Variants in ANO1 observed in about 807,000 individuals in gnomAD.
ANO1 encodes anoctamin 1.
ANO1 carries 59 observed loss-of-function variants against 124.0 expected under a neutral mutation model. That is an observed-to-expected ratio of 0.48 (90% CI 0.39 to 0.59). The LOEUF is 0.59. Ranked by LOEUF, ANO1 falls within the 20% of genes least tolerant of loss-of-function variation. ANO1 has a pLI of 0.00. For synonymous variants in ANO1, 529 were observed against 532.0 expected, an observed-to-expected ratio of 0.99 and a Z score of 0.08; for missense variants, 1,059 against 1,328.0, an observed-to-expected ratio of 0.80 and a Z score of 3.15.
At chr11:70,089,453 T>C (rs2044533634) in intron 2 of ANO1, among the ~76,000 whole-genome samples, 1 of 152,186 alleles carries the variant, frequency 6.6e-6, no homozygotes. Flanking sequence ...TTGAAATCAA[T>C]GGAACGTGCT....
chr11:69,988,172 G>T (rs1479163948), intron 1 of ANO1, among the ~76,000 whole-genome samples: 1 of 152,206 alleles, frequency 6.6e-6, no homozygotes, highest in Non-Finnish European at 1.5e-5. Flanking sequence ...GCCGTCAGTG[G>T]CTTCGCCCGT....
At chr11:69,979,845 G>T in the ANO1 span, among the ~76,000 whole-genome samples, 1 of 152,130 alleles carries the variant, frequency 6.6e-6, no homozygotes, top group Non-Finnish European at 1.5e-5. Context: ...TCTGTCTTTC[G>T]GGGATGTCAT....
At chr11:70,112,026 C>G (rs1234491012) in intron 7 of ANO1, among the ~76,000 whole-genome samples, 5 of 152,252 alleles carry the variant, frequency 3.3e-5, no homozygotes, top group African/African-American at 1.2e-4. Context: ...TCCTCTGAAC[C>G]TCGTAGCCAG....
At chr11:69,966,834 C>T in the ANO1 span, among the ~76,000 whole-genome samples, 7 of 152,276 alleles carry the variant, frequency 4.6e-5, no homozygotes, top group Middle Eastern at 6.8e-3. Flanking sequence ...AAGAGAGGTG[C>T]CCCCAAGGTG....
At chr11:70,069,941 G>T (rs79919172) in intron 1 of ANO1, among the ~76,000 whole-genome samples, 14,713 of 152,240 alleles carry the variant, frequency 0.097, 998 homozygotes, top group Admixed American at 0.18. Flanking sequence ...GCAAGGATGT[G>T]CATGCATGTA....
intron 2 of ANO1, among the ~76,000 whole-genome samples, chr11:70,099,738 CAAG>C (rs1182057978): frequency 6.6e-6 from 1 of 152,204 alleles, no homozygotes; most frequent in Non-Finnish European, 1.5e-5. Context: ...CCAGGGCTGC[CAAG>C]AGCACCAGAG....
chr11:70,037,763 C>T (rs369118335), intron 1 of ANO1, among the ~76,000 whole-genome samples: 12 of 152,086 alleles, frequency 7.9e-5, no homozygotes, highest in African/African-American at 2.4e-4. Context: ...ACTCACTAGG[C>T]GCTGGGCTCT....
At chr11:70,150,543 C>A (rs1013490439) in intron 12 of ANO1, among the ~76,000 whole-genome samples, 6 of 152,128 alleles carry the variant, frequency 3.9e-5, no homozygotes, top group African/African-American at 1.4e-4. Flanking sequence ...ACATGCTCCC[C>A]ACTTTTTGGG....
intron 1 of ANO1, among the ~76,000 whole-genome samples, chr11:69,990,798 A>T (rs782344738): frequency 1.3e-5 from 2 of 151,898 alleles, no homozygotes; most frequent in Non-Finnish European, 2.9e-5. Context: ...TCCTTTGTCT[A>T]TTTTCTAATT....
intron 1 of ANO1, among the ~76,000 whole-genome samples, chr11:70,043,242 G>C (rs970927730): frequency 2.0e-5 from 3 of 151,906 alleles, no homozygotes; most frequent in African/African-American, 7.3e-5. Flanking sequence ...GCAGAAGAAA[G>C]GATCAACAAA....
At chr11:70,147,855 T>C (rs1326624173) in intron 11 of ANO1, among the ~76,000 whole-genome samples, 1 of 152,160 alleles carries the variant, frequency 6.6e-6, no homozygotes, top group African/African-American at 2.4e-5. Flanking sequence ...CTGCTGTGGG[T>C]CATCTCTGGG....
chr11:69,975,710 T>C, the ANO1 span, among the ~76,000 whole-genome samples: 1 of 152,134 alleles, frequency 6.6e-6, no homozygotes, highest in Non-Finnish European at 1.5e-5. Flanking sequence ...CAGGACAAAC[T>C]TCCACAAAGC....
intron 7 of ANO1, among the ~76,000 whole-genome samples, chr11:70,115,038 G>A (rs980296324): frequency 2.6e-5 from 4 of 152,142 alleles, no homozygotes; most frequent in East Asian, 1.9e-4. Context: ...TGCTGGGATC[G>A]CGTGGCTGTC....
chr11:70,052,575 AG>A (rs1857369302), intron 1 of ANO1, among the ~76,000 whole-genome samples: 1 of 37,060 alleles, frequency 2.7e-5, no homozygotes, highest in Non-Finnish European at 6.0e-5. Context: ...TTTTTGAGAC[AG>A]GGTTTTTTTC....
chr11:69,973,478 A>T, the ANO1 span, among the ~76,000 whole-genome samples: 1 of 152,136 alleles, frequency 6.6e-6, no homozygotes, highest in Non-Finnish European at 1.5e-5. Context: ...AACAGGAAAA[A>T]TGCTTTGGCT....
Position 70,182,594 on chromosome 11 carries a change from C to G in ANO1, c.2496C>G (p.Asn832Lys), listed in dbSNP as rs1180270346. The G allele has an allele frequency of 6.2e-7, 1 of 1,613,790 alleles. No homozygotes were observed. The highest frequency in any genetic ancestry group is 8.5e-7 in the Non-Finnish European group (1 of 1,179,778). ...ACGGGACCATGCACGGCTTCGTCAA[C>G]CACACCCTCTCCTCCTTCAACGTCA... ...SKNGTMHGFV[N>K]HTLSSFNVSD... The change falls in exon 24 of 26, where the codon AAC (asparagine) becomes AAG (lysine). Residue 832 changes from asparagine to lysine, a missense_variant. Physicochemically the swap from Asn to Lys is moderately conservative, Grantham distance 94 (BLOSUM62 0). This residue lies in a region of ANO1 where 809 missense variants were observed against 1,094.9 expected (regional missense o/e 0.74). Transcript: ENST00000355303.
At chr11:70,004,987 C>T (rs1554999853) in intron 1 of ANO1, among the ~76,000 whole-genome samples, 1 of 151,906 alleles carries the variant, frequency 6.6e-6, no homozygotes, top group African/African-American at 2.4e-5. Flanking sequence ...GTTGCAGGTG[C>T]TTGAAATCCC....
intron 8 of ANO1, among the ~76,000 whole-genome samples, chr11:70,121,690 CCT>C (rs1365976905): frequency 6.8e-5 from 10 of 147,166 alleles, no homozygotes; most frequent in East Asian, 2.1e-4. Context: ...GTCTCCCCCA[CCT>C]CTCTCTGTCT....
chr11:70,032,555 G>A (rs1448962914), intron 1 of ANO1, among the ~76,000 whole-genome samples: 1 of 151,850 alleles, frequency 6.6e-6, no homozygotes, highest in Admixed American at 6.6e-5. Context: ...TCTCTGAAGG[G>A]TAGAATCCGC....
Sources: allele counts gnomAD v4.1 joint callset (sites outside exome capture counted in the v4.1 genomes callset), GRCh38; gene constraint gnomAD v4.1.1; regional missense constraint gnomAD v4.1.1; transcripts MANE v1.5; gene names NCBI Gene and HGNC (gene_info 2026-07-23, HGNC 2026-07-21).